Variants in WWOX observed in about 807,000 individuals in gnomAD.
The protein encoded by WWOX is WW domain-containing oxidoreductase.
In WWOX, 69 loss-of-function variants were observed where a neutral mutation model predicts 46.2. That is an observed-to-expected ratio of 1.49 (90% CI 1.23 to 1.82). The LOEUF (loss-of-function observed/expected upper bound fraction) is 1.82. Ranked by LOEUF, WWOX falls within the 40% of genes most tolerant of loss-of-function variation. The pLI is 0.00. For missense variants in WWOX, 919 were observed against 542.6 expected (o/e 1.69, Z -6.89); for synonymous variants, 359 against 202.6 (o/e 1.77, Z -6.56).
chr16:78,386,943 G>C lies in WWOX; in HGVS notation c.600G>C (p.Lys200Asn). ...ATTTTGCTGAAGCATTCAAGGCCAA[G>C]AATGTGTGAGTGTTCCAGTGGAGGG... ...VQHFAEAFKA[K>N]NVPLHVLVCN... is the part of the protein sequence containing the mutation. Residue 200 changes from lysine to asparagine, a missense_variant, in exon 6 of 9, where the codon AAG (lysine) becomes AAC (asparagine). By Grantham distance (94) the Lys-to-Asn change is moderately conservative (BLOSUM62 0). Coordinates refer to ENST00000566780, the MANE Select transcript of WWOX (RefSeq NM_016373.4). 1.9e-6 allele frequency: 3 copies of C among 1,613,990 alleles called. No individual in the cohort carries two copies. The highest frequency in any genetic ancestry group is 2.5e-6 in the Non-Finnish European group (3 of 1,179,864).
chr16:78,779,665 T>A (rs767240284), intron 8 of WWOX, among the ~76,000 whole-genome samples: 8 of 152,198 alleles, frequency 5.3e-5, no homozygotes, highest in Non-Finnish European at 1.0e-4. Flanking sequence ...CAGTTCACAC[T>A]GCTGATCAGT....
intron 8 of WWOX, among the ~76,000 whole-genome samples, chr16:78,652,971 G>A (rs1004667012): frequency 2.6e-5 from 4 of 152,034 alleles, no homozygotes; most frequent in Non-Finnish European, 5.9e-5. Context: ...AATATACATG[G>A]TAGAAGGAGA....
chr16:78,716,714 T>C (rs1477001094), intron 8 of WWOX, among the ~76,000 whole-genome samples: 2 of 152,026 alleles, frequency 1.3e-5, no homozygotes, highest in Non-Finnish European at 2.9e-5. Flanking sequence ...AGAGAGATTT[T>C]CTTAGAGGTG....
chr16:78,634,904 G>T (rs1372736976), intron 8 of WWOX, among the ~76,000 whole-genome samples: 5 of 151,530 alleles, frequency 3.3e-5, no homozygotes, highest in South Asian at 2.1e-4. Context: ...TGGTGTTTAG[G>T]TGGGCTTGAG....
intron 8 of WWOX, among the ~76,000 whole-genome samples, chr16:79,134,669 T>G (rs1451295613): frequency 1.3e-5 from 2 of 152,168 alleles, no homozygotes; most frequent in African/African-American, 4.8e-5. Context: ...AGGTCGCGAT[T>G]TCTTCACAAG....
chr16:79,096,609 C>T (rs996192812), intron 8 of WWOX, among the ~76,000 whole-genome samples: 3 of 152,210 alleles, frequency 2.0e-5, no homozygotes, highest in African/African-American at 7.2e-5. Flanking sequence ...AGCAGCACCT[C>T]TGACCCCCTT....
chr16:78,691,493 G>A (rs919609416), intron 8 of WWOX, among the ~76,000 whole-genome samples: 2 of 152,094 alleles, frequency 1.3e-5, no homozygotes, highest in African/African-American at 4.8e-5. Flanking sequence ...GATGGTTAGA[G>A]CCTAGGAGTT....
chr16:78,812,066 C>T (rs971545399), intron 8 of WWOX, among the ~76,000 whole-genome samples: 1 of 152,068 alleles, frequency 6.6e-6, no homozygotes. Flanking sequence ...TAAGATCTTT[C>T]TGAAAAGGAT....
At chr16:78,375,344 A>G (rs1336188785) in intron 5 of WWOX, among the ~76,000 whole-genome samples, 2 of 152,174 alleles carry the variant, frequency 1.3e-5, no homozygotes, top group Admixed American at 6.5e-5. Context: ...GAGTTTCCAA[A>G]TGGCTTATGG....
intron 8 of WWOX, among the ~76,000 whole-genome samples, chr16:78,582,405 A>C (rs552155229): frequency 3.0e-4 from 46 of 152,270 alleles, no homozygotes; most frequent in African/African-American, 1.0e-3. Flanking sequence ...GGGAGTATCA[A>C]TTTTTCTTAA....
intron 5 of WWOX, among the ~76,000 whole-genome samples, chr16:78,307,766 A>G (rs567464768): frequency 1.4e-4 from 21 of 149,954 alleles, no homozygotes; most frequent in Non-Finnish European, 2.9e-4. Flanking sequence ...TGGACCCTTA[A>G]TATTCCTTTT....
chr16:78,619,415 G>T (rs1485019003), intron 8 of WWOX, among the ~76,000 whole-genome samples: 1 of 145,648 alleles, frequency 6.9e-6, no homozygotes, highest in Non-Finnish European at 1.5e-5. Context: ...CACTCCAGGT[G>T]TATATCTCAA....
chr16:78,425,086 T>C (rs910158143), intron 7 of WWOX, 31 bp downstream of exon 7: 41 of 1,611,508 alleles, frequency 2.5e-5, no homozygotes, highest in East Asian at 4.5e-5. Context: ...TGTTCACTTA[T>C]CCCCTTTCTC....
rs77955548 is a variant in WWOX at position 79,167,758 on chromosome 16, C to T, written c.1057-43850C>T. On this transcript the variant is annotated intron_variant, in intron 8 of 8. Coordinates refer to ENST00000566780, the MANE Select transcript of WWOX (RefSeq NM_016373.4). ...ATTGTTTTAGTTGAGATGAAATTCA[C>T]GTAATATACAGTTAACCATTTTAAA... is the stretch of plus-strand genomic sequence containing the variant. Among the ~76,000 whole-genome samples, 284 of 152,304 alleles carry T rather than the reference C, an allele frequency of 1.9e-3. 1 individual carries two copies. Among genetic ancestry groups the T allele is most frequent in the African/African-American group, 6.1e-3 (253 of 41,560 alleles).
At chr16:78,430,521 A>G (rs2083191408) in intron 7 of WWOX, among the ~76,000 whole-genome samples, 1 of 152,148 alleles carries the variant, frequency 6.6e-6, no homozygotes, top group South Asian at 2.1e-4. Context: ...TGAGCAATAC[A>G]TCATGTGCAT....
At chr16:78,499,772 G>A (rs969620237) in intron 8 of WWOX, among the ~76,000 whole-genome samples, 1 of 152,136 alleles carries the variant, frequency 6.6e-6, no homozygotes, top group Non-Finnish European at 1.5e-5. Context: ...AAATACATCC[G>A]TGGAACGCAT....
At chr16:78,390,940 A>G (rs2082162917) in intron 6 of WWOX, among the ~76,000 whole-genome samples, 1 of 152,214 alleles carries the variant, frequency 6.6e-6, no homozygotes, top group Non-Finnish European at 1.5e-5. Context: ...TATGTGATCA[A>G]GCCAGAGTAT....
At chr16:78,772,094 G>A (rs1038796973) in intron 8 of WWOX, among the ~76,000 whole-genome samples, 2 of 152,050 alleles carry the variant, frequency 1.3e-5, no homozygotes, top group East Asian at 3.9e-4. Flanking sequence ...TGTTATATAG[G>A]TAACTTCATG....
At chr16:78,235,811 A>G (rs2037418702) in intron 5 of WWOX, among the ~76,000 whole-genome samples, 1 of 152,186 alleles carries the variant, frequency 6.6e-6, no homozygotes, top group African/African-American at 2.4e-5. Context: ...GCCACCAATT[A>G]CTAAGGAACT....
Sources: gnomAD v4.1 joint callset for allele counts (sites outside exome capture counted in the v4.1 genomes callset) on GRCh38, gnomAD v4.1.1 for gene constraint, MANE v1.5 for transcripts, NCBI Gene and HGNC (gene_info 2026-07-23, HGNC 2026-07-21) for gene names.